The following NBAS variants were observed in gnomAD, a reference collection of about 807,000 sequenced individuals.
NBAS encodes the protein NBAS subunit of NRZ tethering complex.
NBAS carries 219 observed loss-of-function variants against 302.5 expected under a neutral mutation model. The observed-to-expected ratio is 0.72, with a 90% confidence interval of 0.65 to 0.81. The LOEUF (loss-of-function observed/expected upper bound fraction) is 0.81. Among genes scored for constraint, NBAS ranks in the 30% least tolerant of loss-of-function variants. The pLI is 0.00. For synonymous variants in NBAS, 1,118 were observed against 1,021.6 expected, an observed-to-expected ratio of 1.09 and a Z score of -1.80; for missense variants, 2,932 against 2,841.6, an observed-to-expected ratio of 1.03 and a Z score of -0.72.
At chr2:14,944,741 A>C in the NBAS span, among the ~76,000 whole-genome samples, 4 of 152,156 alleles carry the variant, frequency 2.6e-5, no homozygotes, top group Non-Finnish European at 4.4e-5. Context: ...TGAAAGAAAA[A>C]AAAAAAACTC....
intron 28 of NBAS, among the ~76,000 whole-genome samples, chr2:15,384,927 A>G (rs1054048918): frequency 6.6e-6 from 1 of 152,210 alleles, no homozygotes; most frequent in African/African-American, 2.4e-5. Context: ...GGGCAGATAG[A>G]TTGTATGTGT....
chr2:14,783,193 A>G, the NBAS span, among the ~76,000 whole-genome samples: 1,829 of 152,304 alleles, frequency 0.012, 34 homozygotes, highest in African/African-American at 0.041. Flanking sequence ...TGGCAAATTG[A>G]CTATGAATGA....
the NBAS span, among the ~76,000 whole-genome samples, chr2:15,074,760 T>G: frequency 6.6e-6 from 1 of 152,108 alleles, no homozygotes; most frequent in South Asian, 2.1e-4. Flanking sequence ...AATAGACAAA[T>G]AGCTCTTACA....
chr2:14,979,936 C>T, the NBAS span, among the ~76,000 whole-genome samples: 173 of 152,282 alleles, frequency 1.1e-3, 1 homozygote, highest in African/African-American at 3.9e-3. Flanking sequence ...TGGAATCACC[C>T]TCCTTCCTGT....
At chr2:15,214,477 T>A (rs1257357746) in intron 48 of NBAS, among the ~76,000 whole-genome samples, 1 of 152,244 alleles carries the variant, frequency 6.6e-6, no homozygotes, top group East Asian at 1.9e-4. Context: ...TCTGGACTTC[T>A]GTATCCTTTT....
chr2:15,126,898 A>C, the NBAS span, among the ~76,000 whole-genome samples: 6 of 152,198 alleles, frequency 3.9e-5, no homozygotes, highest in Non-Finnish European at 4.4e-5. Context: ...ACAAAGGAGG[A>C]AATAGAGGTA....
intron 9 of NBAS, among the ~76,000 whole-genome samples, chr2:15,522,031 C>A (rs1269946804): frequency 6.6e-6 from 1 of 152,128 alleles, no homozygotes; most frequent in Non-Finnish European, 1.5e-5. Context: ...GGAAGCTAGA[C>A]AGATTAAAGG....
chr2:15,451,733 G>A (rs1679023237), intron 21 of NBAS, among the ~76,000 whole-genome samples: 1 of 152,062 alleles, frequency 6.6e-6, no homozygotes, highest in Non-Finnish European at 1.5e-5. Context: ...ATCCACAAGA[G>A]TAAAATAAAG....
chr2:15,333,864 C>A, intron 35 of NBAS, among the ~76,000 whole-genome samples: 1 of 149,906 alleles, frequency 6.7e-6, no homozygotes, highest in African/African-American at 2.5e-5. Context: ...AAAAGAAGAG[C>A]CGCGCAAGTT....
chr2:14,968,340 C>G, the NBAS span, among the ~76,000 whole-genome samples: 1 of 152,056 alleles, frequency 6.6e-6, no homozygotes, highest in Non-Finnish European at 1.5e-5. Context: ...AGAATGTATA[C>G]AAATAACAAT....
intron 28 of NBAS, 64 bp from the exon 29 acceptor site, chr2:15,383,381 AATG>A (rs1444306970): frequency 2.1e-5 from 31 of 1,507,572 alleles, no homozygotes; most frequent in African/African-American, 1.4e-4. Flanking sequence ...TCTTTCTTCA[AATG>A]ATCTAAAGTT....
chr2:15,387,861 TA>T (rs2148395196), intron 28 of NBAS, among the ~76,000 whole-genome samples: 1 of 152,262 alleles, frequency 6.6e-6, no homozygotes, highest in African/African-American at 2.4e-5. Flanking sequence ...CTTGAACTGC[TA>T]AACTCAAAGC....
At chr2:15,145,401 ATGTGTG>A in the NBAS span, among the ~76,000 whole-genome samples, 1,522 of 148,132 alleles carry the variant, frequency 0.01, 35 homozygotes, top group African/African-American at 0.033. Context: ...GTTTGTTTGT[ATGTGTG>A]TGTGTGTGTG....
intron 9 of NBAS, among the ~76,000 whole-genome samples, chr2:15,520,483 C>G (rs191891410): frequency 6.6e-6 from 1 of 152,234 alleles, no homozygotes; most frequent in Admixed American, 6.5e-5. Flanking sequence ...TAGACCCATA[C>G]TCAGACAGAC....
chr2:15,555,224 T>G (rs1335434405), intron 3 of NBAS, among the ~76,000 whole-genome samples: 1 of 149,872 alleles, frequency 6.7e-6, no homozygotes, highest in Non-Finnish European at 1.5e-5. Context: ...GAATAGCCAC[T>G]ATACTCCAGC....
At chr2:15,502,617 TA>T (rs1235192823) in intron 11 of NBAS, among the ~76,000 whole-genome samples, 2 of 152,174 alleles carry the variant, frequency 1.3e-5, no homozygotes, top group African/African-American at 4.8e-5. Flanking sequence ...GTAAATGGTA[TA>T]AAAGATAACA....
At chr2:15,295,254 T>C (rs1000276410) in intron 40 of NBAS, among the ~76,000 whole-genome samples, 6 of 152,236 alleles carry the variant, frequency 3.9e-5, no homozygotes, top group African/African-American at 1.4e-4. Flanking sequence ...ATAGCAAGAA[T>C]GAGCATGGTT....
At chr2:15,521,598 G>A (rs558755772) in intron 9 of NBAS, among the ~76,000 whole-genome samples, 160 of 152,226 alleles carry the variant, frequency 1.1e-3, no homozygotes, top group African/African-American at 3.7e-3. Flanking sequence ...CTTTGACAAA[G>A]TCAAGTATAT....
intron 9 of NBAS, among the ~76,000 whole-genome samples, chr2:15,516,032 G>A (rs1352463642): frequency 6.6e-6 from 1 of 152,134 alleles, no homozygotes; most frequent in Non-Finnish European, 1.5e-5. Flanking sequence ...GGGTCACACT[G>A]TTTAAAACGG....
Sources: allele counts gnomAD v4.1 joint callset (sites outside exome capture counted in the v4.1 genomes callset), GRCh38; gene constraint gnomAD v4.1.1; transcripts MANE v1.5; gene names NCBI Gene and HGNC (gene_info 2026-07-23, HGNC 2026-07-21).